The following ADGRB3 variants were observed in gnomAD, a reference collection of about 807,000 sequenced individuals.
ADGRB3 encodes the protein adhesion G protein-coupled receptor B3, also known as brain-specific angiogenesis inhibitor 3.
ADGRB3 carries 37 observed loss-of-function variants against 193.4 expected under a neutral mutation model. The observed-to-expected ratio is 0.19, with a 90% confidence interval of 0.15 to 0.25. The LOEUF (loss-of-function observed/expected upper bound fraction) is 0.25, where lower values mean the gene tolerates loss of function less well. Among genes scored for constraint, ADGRB3 ranks in the 10% least tolerant of loss-of-function variants. The pLI is 1.00. For missense variants in ADGRB3, 1,637 were observed against 1,852.9 expected (o/e 0.88, Z 2.14); for synonymous variants, 690 against 644.2 (o/e 1.07, Z -1.08).
chr6:69,213,945 G>A (rs1765719242), intron 17 of ADGRB3, among the ~76,000 whole-genome samples: 1 of 152,046 alleles, frequency 6.6e-6, no homozygotes, highest in Non-Finnish European at 1.5e-5. Flanking sequence ...CTGATGTTAA[G>A]GACCTAAAAA....
intron 17 of ADGRB3, among the ~76,000 whole-genome samples, chr6:69,107,534 G>C (rs1455659355): frequency 6.6e-6 from 1 of 152,066 alleles, no homozygotes. Context: ...TGAATTACTA[G>C]CAGTTACAAA....
In ADGRB3 at chr6:68,984,708, A is replaced by G. The variant is rs147111516; in HGVS notation, c.1735-9060A>G. Among the ~76,000 whole-genome samples the G allele has an allele frequency of 9.1e-3, 1,384 of 152,306 alleles. 21 individuals carry two copies. Among genetic ancestry groups the G allele is most frequent in the African/African-American group, 0.032 (1,319 of 41,588 alleles). ...TCCAGTAAAAATTTAGAAGAGAAAC[A>G]TGAAAAATTAAAGAAAACCCAAGAA... On this transcript the variant is annotated intron_variant, in intron 10 of 31. Coordinates refer to ENST00000370598, the MANE Select transcript of ADGRB3 (RefSeq NM_001704.3).
At chr6:69,285,904 C>G (rs1021749346) in intron 20 of ADGRB3, among the ~76,000 whole-genome samples, 1 of 151,892 alleles carries the variant, frequency 6.6e-6, no homozygotes, top group African/African-American at 2.4e-5. Context: ...CAACATAAGT[C>G]TACCTGGCTT....
chr6:69,153,637 A>G (rs1478953012), intron 17 of ADGRB3, among the ~76,000 whole-genome samples: 1 of 152,190 alleles, frequency 6.6e-6, no homozygotes, highest in Non-Finnish European at 1.5e-5. Context: ...GGGATCCATC[A>G]GGTAAAGATC....
chr6:68,791,526 C>T (rs542869818), intron 3 of ADGRB3, among the ~76,000 whole-genome samples: 19 of 152,100 alleles, frequency 1.2e-4, no homozygotes, highest in African/African-American at 2.7e-4. Context: ...AAAAAAAATT[C>T]GGTGCTGGTT....
At chr6:68,669,682 T>G (rs1213470063) in intron 3 of ADGRB3, among the ~76,000 whole-genome samples, 1 of 151,334 alleles carries the variant, frequency 6.6e-6, no homozygotes, top group Non-Finnish European at 1.5e-5. Context: ...ATTCATTTTT[T>G]TGATGGCCAC....
rs367785089 is a variant in ADGRB3, at chr6:69,030,956, T to TTTTTCTTTTC, written c.2107+12486_2107+12495dup. On this transcript the variant is annotated intron_variant, in intron 13 of 31. Coordinates refer to ENST00000370598, the MANE Select transcript of ADGRB3 (RefSeq NM_001704.3). ...GGTTTTAATTTTCTTTTCTTTTCTT[T>TTTTTCTTTTC]TTTTCTTTTCTTTTCTTTTCTTTTC... Among the ~76,000 whole-genome samples the TTTTTCTTTTC allele has an allele frequency of 3.4e-3, 246 of 72,430 alleles. 40 individuals carry two copies. The highest frequency in any genetic ancestry group is 4.8e-3 in the Non-Finnish European group (160 of 33,092). The allele number at this position is 72,430 out of a possible 152,430, so 47.5% of individuals were successfully genotyped here. A position where few individuals can be genotyped will look rare whatever the true frequency, so the allele number is the denominator to read the frequency against.
At chr6:68,831,556 G>A (rs1282728810) in intron 3 of ADGRB3, among the ~76,000 whole-genome samples, 1 of 152,100 alleles carries the variant, frequency 6.6e-6, no homozygotes, top group Non-Finnish European at 1.5e-5. Flanking sequence ...TGAGCACGGG[G>A]TAGTGAATGA....
intron 20 of ADGRB3, among the ~76,000 whole-genome samples, chr6:69,320,742 T>A (rs1438855786): frequency 6.6e-6 from 1 of 151,636 alleles, no homozygotes; most frequent in East Asian, 1.9e-4. Context: ...TCTTTCTTTT[T>A]ACTCTGATAG....
At position 68,797,492 on chromosome 6, in the gene ADGRB3, G is replaced by A. The variant is rs1037586929; in HGVS notation, c.758-133067G>A. On this transcript the variant is annotated intron_variant, in intron 3 of 31. Coordinates refer to ENST00000370598, the MANE Select transcript of ADGRB3 (RefSeq NM_001704.3). ...ACCTGTCCGCCATCCAGCCCAGGTG[G>A]AGGGCAGGGCACTTAATCCTAGTAG... Among the ~76,000 whole-genome samples the A allele has an allele frequency of 2.6e-5, 4 of 152,256 alleles. No homozygotes were observed. In the East Asian group the frequency reaches 7.7e-4, roughly 29 times the overall value.
intron 20 of ADGRB3, among the ~76,000 whole-genome samples, chr6:69,308,590 G>T (rs935038216): frequency 2.0e-5 from 3 of 151,596 alleles, no homozygotes; most frequent in African/African-American, 4.8e-5. Flanking sequence ...GTAATATTTA[G>T]GTTTAATTTT....
At chr6:68,983,783 A>C (rs1288162866) in intron 10 of ADGRB3, among the ~76,000 whole-genome samples, 1 of 152,132 alleles carries the variant, frequency 6.6e-6, no homozygotes, top group Non-Finnish European at 1.5e-5. Flanking sequence ...GGAAATTAGC[A>C]GGGTGCCAAC....
chr6:68,864,875 G>A (rs1295622966), intron 3 of ADGRB3, among the ~76,000 whole-genome samples: 1 of 127,938 alleles, frequency 7.8e-6, no homozygotes, highest in Admixed American at 8.2e-5. Context: ...TATAAATGTA[G>A]CAAGTAGTAT....
At chr6:68,696,114 T>A (rs1159076421) in intron 3 of ADGRB3, among the ~76,000 whole-genome samples, 3 of 152,050 alleles carry the variant, frequency 2.0e-5, no homozygotes, top group African/African-American at 7.2e-5. Context: ...AATCCCGTTA[T>A]CAATGGTTTA....
chr6:69,124,841 G>A (rs1773811960), intron 17 of ADGRB3, among the ~76,000 whole-genome samples: 1 of 151,778 alleles, frequency 6.6e-6, no homozygotes, highest in African/African-American at 2.4e-5. Context: ...GTTTCCTCCA[G>A]AGTCTGCCAT....
chr6:68,648,024 A>G (rs919334935), intron 3 of ADGRB3, among the ~76,000 whole-genome samples: 4 of 152,172 alleles, frequency 2.6e-5, no homozygotes, highest in Non-Finnish European at 5.9e-5. Context: ...AATATCATCT[A>G]TGAGACTCTA....
At chr6:69,099,604 A>G (rs973211465) in intron 17 of ADGRB3, among the ~76,000 whole-genome samples, 19 of 152,196 alleles carry the variant, frequency 1.2e-4, no homozygotes, top group African/African-American at 4.6e-4. Flanking sequence ...TTGCTCCTCA[A>G]TGTGCTTCAC....
intron 17 of ADGRB3, among the ~76,000 whole-genome samples, chr6:69,151,486 T>G (rs1214388064): frequency 6.6e-6 from 1 of 152,204 alleles, no homozygotes; most frequent in Non-Finnish European, 1.5e-5. Flanking sequence ...AGAGTTGGCA[T>G]CAGTCATTCA....
intron 3 of ADGRB3, among the ~76,000 whole-genome samples, chr6:68,645,775 C>T (rs573595072): frequency 3.9e-5 from 6 of 152,176 alleles, no homozygotes; most frequent in Admixed American, 3.3e-4. Flanking sequence ...AGAGTTCAAG[C>T]GATTCTCCTG....
Sources: allele counts gnomAD v4.1 joint callset (sites outside exome capture counted in the v4.1 genomes callset), GRCh38; gene constraint gnomAD v4.1.1; transcripts MANE v1.5; gene names NCBI Gene and HGNC (gene_info 2026-07-23, HGNC 2026-07-21).